The following RIMS1 variants were observed in gnomAD, a reference collection of about 807,000 sequenced individuals.
The protein encoded by RIMS1 is regulating synaptic membrane exocytosis 1, also known as regulating synaptic membrane exocytosis protein 1.
RIMS1 carries 83 observed loss-of-function variants against 214.1 expected under a neutral mutation model. That is an observed-to-expected ratio of 0.39 (90% CI 0.32 to 0.47). The LOEUF (loss-of-function observed/expected upper bound fraction) is 0.47, where lower values mean the gene tolerates loss of function less well. Among genes scored for constraint, RIMS1 ranks in the 20% least tolerant of loss-of-function variants. The pLI, the probability that RIMS1 is intolerant of heterozygous loss-of-function variation, is 0.99. For synonymous variants in RIMS1, 793 were observed against 786.8 expected, an observed-to-expected ratio of 1.01 and a Z score of -0.13; for missense variants, 2,050 against 2,161.8, an observed-to-expected ratio of 0.95 and a Z score of 1.03.
At chr6:71,919,425 G>T (rs1562194928) in intron 1 of RIMS1, among the ~76,000 whole-genome samples, 2 of 151,984 alleles carry the variant, frequency 1.3e-5, no homozygotes, top group African/African-American at 4.8e-5. Context: ...AACAATTATG[G>T]GTGGGAAGAT....
At chr6:72,378,750 A>G (rs909333170) in intron 29 of RIMS1, among the ~76,000 whole-genome samples, 1 of 152,200 alleles carries the variant, frequency 6.6e-6, no homozygotes, top group African/African-American at 2.4e-5. Flanking sequence ...GAGGCAGAAG[A>G]ATCGCTTAAA....
At chr6:72,100,310 G>A (rs1056405812) in intron 4 of RIMS1, among the ~76,000 whole-genome samples, 1 of 151,948 alleles carries the variant, frequency 6.6e-6, no homozygotes, top group Non-Finnish European at 1.5e-5. Context: ...ATTCTAATGG[G>A]CTCTACCTTT....
intron 6 of RIMS1, among the ~76,000 whole-genome samples, chr6:72,193,077 G>T (rs1588883607): frequency 1.3e-5 from 2 of 152,322 alleles, no homozygotes; most frequent in East Asian, 3.9e-4. Flanking sequence ...ATAAATCACA[G>T]TGAGCATGGA....
At chr6:71,902,391 G>A (rs748881914) in intron 1 of RIMS1, among the ~76,000 whole-genome samples, 11 of 152,028 alleles carry the variant, frequency 7.2e-5, no homozygotes, top group Non-Finnish European at 1.2e-4. Context: ...CAACAGAAAG[G>A]GAGAGACTGA....
At chr6:72,262,264 A>C in intron 19 of RIMS1, 3 of 824,066 alleles carry the variant, frequency 3.6e-6, no homozygotes, top group Non-Finnish European at 4.4e-6. Context: ...ATATAATCTT[A>C]TACTTAAGAT....
chr6:72,217,567 A>G (rs1481836796), intron 6 of RIMS1, among the ~76,000 whole-genome samples: 3 of 152,202 alleles, frequency 2.0e-5, no homozygotes, highest in African/African-American at 7.2e-5. Context: ...TGATGGATCA[A>G]AGAGTTTGCT....
chr6:72,143,054 A>G (rs980218411), intron 4 of RIMS1, among the ~76,000 whole-genome samples: 2 of 152,120 alleles, frequency 1.3e-5, no homozygotes, highest in African/African-American at 4.8e-5. Context: ...ATTGGTATGT[A>G]GTGGATAAAA....
chr6:72,256,847 TTGA>T (rs2076073348), intron 16 of RIMS1, among the ~76,000 whole-genome samples: 1 of 151,990 alleles, frequency 6.6e-6, no homozygotes, highest in Non-Finnish European at 1.5e-5. Context: ...AATAGCTTAG[TTGA>T]TATTTTGATA....
At chr6:72,274,525 T>C in intron 23 of RIMS1, 93 bp downstream of exon 23, 1 of 953,094 alleles carries the variant, frequency 1.0e-6, no homozygotes, top group Admixed American at 1.9e-5. Flanking sequence ...GAATATGATG[T>C]ACTTTATTCC....
intron 2 of RIMS1, among the ~76,000 whole-genome samples, chr6:72,002,781 G>T (rs1805731803): frequency 6.6e-6 from 1 of 152,150 alleles, no homozygotes; most frequent in Non-Finnish European, 1.5e-5. Flanking sequence ...TTGAAAGTCA[G>T]AAGTACAGGA....
chr6:72,292,066 C>T lies in RIMS1; in HGVS notation c.3850+20C>T. On this transcript the variant is annotated intron_variant, in intron 26 of 33. Transcript: ENST00000521978. The stretch of plus-strand genomic sequence containing the variant: ...AACAAGGTATCCGATAAAGAGAGAT[C>T]ATTGTCCAAAAATCTTGGATTTGAG... The T allele has an allele frequency of 1.3e-6, 2 of 1,497,596 alleles. No homozygotes were observed. The highest frequency in any genetic ancestry group is 1.8e-6 in the Non-Finnish European group (2 of 1,103,602). 92.8% of individuals were successfully genotyped at this position (1,497,596 alleles called of 1,614,324 possible).
intron 1 of RIMS1, among the ~76,000 whole-genome samples, chr6:71,965,011 C>T (rs1794034935): frequency 6.6e-6 from 1 of 152,006 alleles, no homozygotes; most frequent in Admixed American, 6.6e-5. Flanking sequence ...TTTTGTCAAC[C>T]TCATATTATC....
At chr6:72,090,062 C>G (rs1835798450) in intron 2 of RIMS1, among the ~76,000 whole-genome samples, 2 of 150,910 alleles carry the variant, frequency 1.3e-5, no homozygotes, top group African/African-American at 4.9e-5. Context: ...GCAGATATAC[C>G]TAATGCTAGA....
At chr6:72,392,427 A>G (rs1265645561) in intron 30 of RIMS1, among the ~76,000 whole-genome samples, 2 of 152,204 alleles carry the variant, frequency 1.3e-5, no homozygotes, top group Admixed American at 6.5e-5. Context: ...ACACATTTAT[A>G]TAAGGATTTG....
At chr6:72,015,750 C>A (rs1812515102) in intron 2 of RIMS1, among the ~76,000 whole-genome samples, 1 of 152,060 alleles carries the variant, frequency 6.6e-6, no homozygotes, top group Admixed American at 6.6e-5. Flanking sequence ...CATGGTGAAA[C>A]CCTGTCTCTA....
intron 1 of RIMS1, among the ~76,000 whole-genome samples, chr6:71,957,735 A>G (rs1312712954): frequency 6.6e-6 from 1 of 150,632 alleles, no homozygotes; most frequent in Non-Finnish European, 1.5e-5. Flanking sequence ...GTGTATAGAC[A>G]TATTAAAAGT....
intron 1 of RIMS1, among the ~76,000 whole-genome samples, chr6:71,947,154 A>T (rs183522411): frequency 1.6e-3 from 245 of 152,208 alleles, no homozygotes; most frequent in Non-Finnish European, 1.6e-3. Context: ...GTTGGCAAGG[A>T]TATAGAGAAA....
In RIMS1 at chr6:72,226,417, T is replaced by A. The variant is rs141903788; in HGVS notation, c.1679-7356T>A. Among the ~76,000 whole-genome samples, 19 of 152,178 alleles carry A rather than the reference T, an allele frequency of 1.2e-4. 1 individual carries two copies. In the East Asian group the frequency reaches 3.7e-3, roughly 29 times the overall value. On this transcript the variant is annotated intron_variant, in intron 6 of 33. Transcript: ENST00000521978. ...AATTTCTCAATATCGATTACCCTTT[T>A]CAAAGCAAACCCACAATGTTTTCTG... is the stretch of plus-strand genomic sequence containing the variant.
chr6:72,220,584 A>T (rs2058053321), intron 6 of RIMS1, among the ~76,000 whole-genome samples: 1 of 152,088 alleles, frequency 6.6e-6, no homozygotes, highest in Non-Finnish European at 1.5e-5. Flanking sequence ...GCTCTTGCTA[A>T]AAAAACAAAA....
Sources: allele counts gnomAD v4.1 joint callset (sites outside exome capture counted in the v4.1 genomes callset), GRCh38; gene constraint gnomAD v4.1.1; transcripts MANE v1.5; gene names NCBI Gene and HGNC (gene_info 2026-07-23, HGNC 2026-07-21).